The following CLEC4D variants were observed in gnomAD, a reference collection of about 807,000 sequenced individuals.
CLEC4D encodes the protein C-type lectin domain family 4 member D, also known as C-type (calcium dependent, carbohydrate-recognition domain) lectin, superfamily member 8.
Under a neutral mutation model 21.1 loss-of-function variants are expected in CLEC4D, and 21 were observed. That is an observed-to-expected ratio of 1.00 (90% CI 0.71 to 1.43). CLEC4D has a LOEUF of 1.43. Ranked by LOEUF, CLEC4D falls within the 40% of genes most tolerant of loss-of-function variation. The pLI is 0.00. For missense variants in CLEC4D, 289 were observed against 260.7 expected, an observed-to-expected ratio of 1.11 and a Z score of -0.75; for synonymous variants, 85 against 83.1, an observed-to-expected ratio of 1.02 and a Z score of -0.12.
In CLEC4D at chr12:8,521,041, ATATATC is replaced by A. The variant is rs1940450603; in HGVS notation, c.501-74_501-69del. ...GGACATTTCTCTGAATTGTCTCCTA[ATATATC>A]TATATCTAATCTACACCTATAATCT... is the stretch of plus-strand genomic sequence containing the variant. On this transcript the variant is annotated intron_variant, in intron 5 of 5. Transcript: ENST00000299665. 3 of 1,483,108 alleles carry A rather than the reference ATATATC, an allele frequency of 2.0e-6. No homozygotes were observed. The South Asian group carries it at 4.2e-5, about 21-fold the overall frequency. 91.9% of individuals were successfully genotyped at this position (1,483,108 alleles called of 1,614,324 possible).
downstream of CLEC4D, among the ~76,000 whole-genome samples, chr12:8,525,733 T>G (rs1362875048): frequency 1.3e-5 from 2 of 152,188 alleles, no homozygotes; most frequent in Non-Finnish European, 2.9e-5. Flanking sequence ...ATCATCATGA[T>G]GCTATTTGGT....
downstream of CLEC4D, among the ~76,000 whole-genome samples, chr12:8,523,733 T>C (rs936681561): frequency 1.3e-5 from 2 of 152,214 alleles, no homozygotes; most frequent in Admixed American, 1.3e-4. Context: ...TTCAGTACTA[T>C]GTTGAATAGG....
intron 3 of CLEC4D, among the ~76,000 whole-genome samples, chr12:8,518,805 A>G (rs962613833): frequency 1.3e-5 from 2 of 152,224 alleles, no homozygotes; most frequent in Non-Finnish European, 2.9e-5. Flanking sequence ...TCTCGTAGTC[A>G]TTATGTGGTG....
downstream of CLEC4D, among the ~76,000 whole-genome samples, chr12:8,526,052 G>A (rs1406203457): frequency 6.6e-6 from 1 of 152,128 alleles, no homozygotes; most frequent in East Asian, 1.9e-4. Context: ...CTGCTGAGAG[G>A]TCTGCTGTTA....
At chr12:8,517,852 A>C (rs1188793118) in intron 2 of CLEC4D, among the ~76,000 whole-genome samples, 2 of 152,168 alleles carry the variant, frequency 1.3e-5, no homozygotes, top group Non-Finnish European at 2.9e-5. Context: ...AGGCTGAGGC[A>C]GGAGAATGAT....
At chr12:8,530,475 A>G in the CLEC4D span, among the ~76,000 whole-genome samples, 1 of 151,222 alleles carries the variant, frequency 6.6e-6, no homozygotes, top group Non-Finnish European at 1.5e-5. Flanking sequence ...AAAAAAAAAA[A>G]GCCCGAAGAA....
rs997282707 is a variant in CLEC4D at position 8,518,402 on chromosome 12, TA to T, written c.232+131del. 8.7e-6 allele frequency: 5 copies of T among 572,680 alleles called. No individual in the cohort carries two copies. In the Admixed American group the frequency reaches 1.2e-4, roughly 14 times the overall value. 35.5% of individuals were successfully genotyped at this position (572,680 alleles called of 1,614,324 possible). On this transcript the variant is annotated intron_variant, in intron 3 of 5. Transcript: ENST00000299665. ...ATAAGATGAGAATCTGGCATCGGAG[TA>T]AATAAGAATACCTTAAGATAGAATT... is the stretch of plus-strand genomic sequence containing the variant.
rs138070495 is a variant in CLEC4D, at chr12:8,521,440, ATGTGTG to A, written c.*183_*188del. On this transcript the variant is annotated 3_prime_UTR_variant, in exon 6 of 6. Coordinates refer to ENST00000299665, the MANE Select transcript of CLEC4D (RefSeq NM_080387.5). ...GATTCATTCGAGACAACATGTGTGT[ATGTGTG>A]TGTGTGTGTGTGTAGATAATGTGGT... The A allele has an allele frequency of 3.9e-6, 5 of 1,291,608 alleles. No homozygotes were observed. Among genetic ancestry groups the A allele is most frequent in the Non-Finnish European group, 5.1e-6 (5 of 988,910 alleles). The allele number at this position is 1,291,608 out of a possible 1,614,324, so 80.0% of individuals were successfully genotyped here.
Position 8,513,549 on chromosome 12 carries a change from A to C in CLEC4D, c.-184A>C, listed in dbSNP as rs766193047. 3.9e-4 allele frequency: 162 copies of C among 411,702 alleles called. No homozygotes were observed. The highest frequency in any genetic ancestry group is 1.7e-3 in the Admixed American group (43 of 25,300). 25.5% of individuals were successfully genotyped at this position (411,702 alleles called of 1,614,324 possible). A position where few individuals can be genotyped will look rare whatever the true frequency, so the allele number is the denominator to read the frequency against. On this transcript the variant is annotated 5_prime_UTR_variant, in exon 1 of 6. Coordinates refer to ENST00000299665, the MANE Select transcript of CLEC4D (RefSeq NM_080387.5). ...CAAAGGAAACCCCTGTCTTTGAAAA[A>C]GACTTCTTTTGAGCTAACTTTCTTA...
At chr12:8,526,109 G>A (rs894573274), downstream of CLEC4D, among the ~76,000 whole-genome samples, 1 of 152,104 alleles carries the variant, frequency 6.6e-6, no homozygotes, top group African/African-American at 2.4e-5. Flanking sequence ...CTCTCTGGCT[G>A]CCTTTAACAG....
chr12:8,523,071 C>G (rs1254293500), downstream of CLEC4D, among the ~76,000 whole-genome samples: 1 of 152,110 alleles, frequency 6.6e-6, no homozygotes, highest in African/African-American at 2.4e-5. Context: ...TGTTTTGGGA[C>G]CAGTACCATA....
At position 8,521,988 on chromosome 12, in the gene CLEC4D, G is replaced by T. The variant is rs1396351393; in HGVS notation, c.*717G>T. 6.6e-6 allele frequency: 1 copy of T among 151,956 alleles called. No homozygotes were observed. The highest frequency in any genetic ancestry group is 1.5e-5 in the Non-Finnish European group (1 of 67,964). 9.4% of individuals were successfully genotyped at this position (151,956 alleles called of 1,614,324 possible). ...AAATAAAATCCCCCAGAAGCCAAAG[G>T]GCTCACCTTCACATTGTTAGTTCAT... On this transcript the variant is annotated 3_prime_UTR_variant, in exon 6 of 6. Coordinates refer to ENST00000299665, the MANE Select transcript of CLEC4D (RefSeq NM_080387.5).
intron 2 of CLEC4D, among the ~76,000 whole-genome samples, 161 bp from the exon 3 acceptor site, chr12:8,518,003 C>T (rs1355397377): frequency 6.6e-6 from 1 of 152,162 alleles, no homozygotes; most frequent in African/African-American, 2.4e-5. Context: ...TTGCTTTCAA[C>T]CAATTCACCT....
downstream of CLEC4D, among the ~76,000 whole-genome samples, chr12:8,523,102 T>C (rs1940479299): frequency 6.6e-6 from 1 of 152,194 alleles, no homozygotes; most frequent in African/African-American, 2.4e-5. Flanking sequence ...TACTGTAGCC[T>C]TATAGTATAG....
rs1028514136 is a variant in CLEC4D, at chr12:8,520,489, G to T, written c.500+148G>T. On this transcript the variant is annotated intron_variant, in intron 5 of 5. Transcript: ENST00000299665. ...AGTAATCTCCATATGCTATGTCCCA[G>T]TTCCAGAATGGTCCTATAATTTGCA... The T allele has an allele frequency of 1.5e-5, 20 of 1,330,872 alleles. No homozygotes were observed. In the African/African-American group the frequency reaches 2.8e-4, roughly 18 times the overall value. The allele number at this position is 1,330,872 out of a possible 1,614,324, so 82.4% of individuals were successfully genotyped here.
chr12:8,526,340 G>C (rs1002981352), downstream of CLEC4D, among the ~76,000 whole-genome samples: 1 of 151,822 alleles, frequency 6.6e-6, no homozygotes, highest in Non-Finnish European at 1.5e-5. Context: ...TCATAGGTTT[G>C]GTTTTTTTAT....
rs201112913 is a variant in CLEC4D, at chr12:8,520,335, G to T, written c.494G>T (p.Arg165Leu). 6.2e-7 allele frequency: 1 copy of T among 1,613,774 alleles called. No individual in the cohort carries two copies. Residue 165 changes from arginine to leucine, a missense_variant, in exon 5 of 6, where the codon CGC becomes CTC. Transcript: ENST00000299665. ...GTGGACCAGACGCCATTTAACCCAC[G>T]CAGAGTGTAAGTATATTGAGTGGGC... ...RWVDQTPFNP[R>L]RVFWHKNEPD...
At chr12:8,531,412 A>G in the CLEC4D span, among the ~76,000 whole-genome samples, 1 of 152,186 alleles carries the variant, frequency 6.6e-6, no homozygotes, top group African/African-American at 2.4e-5. Context: ...TTAATTGTTG[A>G]TTGTTTATAA....
At chr12:8,514,789 C>T (rs764541643) in intron 1 of CLEC4D, among the ~76,000 whole-genome samples, 6 of 152,264 alleles carry the variant, frequency 3.9e-5, no homozygotes, top group African/African-American at 1.4e-4. Flanking sequence ...CTATTTATAA[C>T]TTCAGCAAAT....
Sources: allele counts gnomAD v4.1 joint callset (sites outside exome capture counted in the v4.1 genomes callset), GRCh38; gene constraint gnomAD v4.1.1; transcripts MANE v1.5; gene names NCBI Gene and HGNC (gene_info 2026-07-23, HGNC 2026-07-21).